The following MAST4 variants were observed in gnomAD, a reference collection of about 807,000 sequenced individuals.
MAST4 encodes the protein microtubule-associated serine/threonine-protein kinase 4.
In MAST4, 89 loss-of-function variants were observed where a neutral mutation model predicts 162.7. That is an observed-to-expected ratio of 0.55 (90% CI 0.46 to 0.65). MAST4 has a LOEUF of 0.65. Ranked by LOEUF, MAST4 falls within the 30% of genes least tolerant of loss-of-function variation. The probability of loss-of-function intolerance (pLI) is 0.00; values close to 1 mark genes in which losing one functional copy is unlikely to be tolerated. For synonymous variants in MAST4, 1,479 were observed against 1,361.1 expected (o/e 1.09, Z -1.91); for missense variants, 3,153 against 3,374.0 (o/e 0.93, Z 1.62).
intron 3 of MAST4, among the ~76,000 whole-genome samples, chr5:66,885,110 A>T (rs571639775): frequency 9.9e-5 from 15 of 152,262 alleles, no homozygotes; most frequent in South Asian, 2.1e-4. Flanking sequence ...GTGATTTTTG[A>T]CAGTAGCTGG....
chr5:67,062,418 G>C (rs1301263155), intron 5 of MAST4, among the ~76,000 whole-genome samples: 4 of 152,104 alleles, frequency 2.6e-5, no homozygotes, highest in Admixed American at 2.0e-4. Context: ...TGTGAGGCTG[G>C]AGACATGGCC....
chr5:66,769,615 A>G (rs1349149630), intron 2 of MAST4, among the ~76,000 whole-genome samples: 1 of 152,196 alleles, frequency 6.6e-6, no homozygotes, highest in Non-Finnish European at 1.5e-5. Context: ...CTGTAACACA[A>G]TGTATAACAA....
chr5:67,165,002 G>A lies in MAST4; in HGVS notation c.5823G>A (p.Leu1941=). The change falls in exon 29 of 29, where the codon CTG becomes CTA. Residue 1941 remains leucine, a synonymous_variant. Coordinates refer to ENST00000403625, the MANE Select transcript of MAST4 (RefSeq NM_001164664.2). ...HTTDPKLLTC[L]GQNLHSPDLA... Reference sequence around the variant, plus strand: ...CTGACCCCAAGCTTCTGACCTGCCTGGGGCAGAACCTCCACAGCCCTGACC... The same window carrying A: ...CTGACCCCAAGCTTCTGACCTGCCTAGGGCAGAACCTCCACAGCCCTGACC... 5 of 1,613,638 alleles carry A rather than the reference G, an allele frequency of 3.1e-6. No homozygotes were observed. The highest frequency in any genetic ancestry group is 4.2e-6 in the Non-Finnish European group (5 of 1,179,752).
intron 4 of MAST4, among the ~76,000 whole-genome samples, chr5:66,956,154 T>A (rs1418861343): frequency 1.3e-5 from 2 of 151,968 alleles, no homozygotes; most frequent in African/African-American, 2.4e-5. Context: ...CTTTCCATCT[T>A]CCCCCTCCCC....
At chr5:66,612,730 T>C (rs1743374350) in intron 1 of MAST4, among the ~76,000 whole-genome samples, 1 of 152,112 alleles carries the variant, frequency 6.6e-6, no homozygotes. Context: ...TCCTGATGGA[T>C]TTTCCATGGT....
chr5:66,920,715 T>A (rs1764478806), intron 4 of MAST4, among the ~76,000 whole-genome samples: 1 of 152,088 alleles, frequency 6.6e-6, no homozygotes, highest in Non-Finnish European at 1.5e-5. Context: ...GGCCTCGAAC[T>A]CCCTACCTCA....
intron 4 of MAST4, among the ~76,000 whole-genome samples, chr5:67,042,505 A>G (rs1581311696): frequency 1.3e-5 from 2 of 152,140 alleles, no homozygotes; most frequent in Non-Finnish European, 2.9e-5. Context: ...ATTAAGGGAA[A>G]ACATTCCTTT....
At chr5:67,120,111 AG>A (rs934516395) in intron 13 of MAST4, among the ~76,000 whole-genome samples, 11 of 152,236 alleles carry the variant, frequency 7.2e-5, no homozygotes, top group Non-Finnish European at 1.2e-4. Context: ...AGGGGAGCAG[AG>A]GAAACAGATG....
intron 3 of MAST4, among the ~76,000 whole-genome samples, chr5:66,827,285 A>G (rs1186842661): frequency 6.6e-6 from 1 of 152,202 alleles, no homozygotes; most frequent in Non-Finnish European, 1.5e-5. Context: ...CTCCACATAT[A>G]AGCGAGAGCT....
chr5:67,017,605 CT>C (rs34059850), intron 4 of MAST4, among the ~76,000 whole-genome samples: 138 of 134,988 alleles, frequency 1.0e-3, no homozygotes, highest in Middle Eastern at 3.9e-3. Context: ...TTTTTCTTTT[CT>C]TTTTTTTTTT....
chr5:67,091,850 G>A (rs968790971), intron 6 of MAST4, among the ~76,000 whole-genome samples: 4 of 152,080 alleles, frequency 2.6e-5, no homozygotes, highest in East Asian at 1.9e-4. Flanking sequence ...ACCATAAACC[G>A]TGACAGGAGA....
chr5:66,737,493 A>G (rs1301975343), intron 1 of MAST4, among the ~76,000 whole-genome samples: 3 of 152,192 alleles, frequency 2.0e-5, no homozygotes, highest in African/African-American at 4.8e-5. Context: ...CCTCTTGAAA[A>G]GAGGAGTACC....
chr5:66,807,168 G>C (rs1488034730), intron 3 of MAST4, among the ~76,000 whole-genome samples: 1 of 152,198 alleles, frequency 6.6e-6, no homozygotes, highest in Non-Finnish European at 1.5e-5. Flanking sequence ...TATCCTTCAT[G>C]TTAAAAATCC....
At chr5:66,804,874 ATTAT>A (rs746256741) in intron 3 of MAST4, among the ~76,000 whole-genome samples, 1 of 152,114 alleles carries the variant, frequency 6.6e-6, no homozygotes. Flanking sequence ...TGGAAATTTG[ATTAT>A]TTAAGTTTGA....
chr5:66,743,600 C>T (rs1179848005), intron 1 of MAST4, among the ~76,000 whole-genome samples: 4 of 152,132 alleles, frequency 2.6e-5, no homozygotes, highest in South Asian at 2.1e-4. Context: ...CAGTGCAGGA[C>T]GCTGGGCACA....
rs1753979694 is a variant in MAST4, at chr5:67,021,490, A to G, written c.675-32914A>G. On this transcript the variant is annotated intron_variant, in intron 4 of 28. Coordinates refer to ENST00000403625, the MANE Select transcript of MAST4 (RefSeq NM_001164664.2). ...AATCATTACAAATTGCAAATACCATATTTAGCAAGGGACCTTCTGAAATCT... is the reference window on the plus strand; with the variant it reads ...AATCATTACAAATTGCAAATACCATGTTTAGCAAGGGACCTTCTGAAATCT... Among the ~76,000 whole-genome samples, 4 of 152,248 alleles carry G rather than the reference A, an allele frequency of 2.6e-5. No homozygotes were observed. In the South Asian group the frequency reaches 6.2e-4, roughly 24 times the overall value.
At chr5:66,620,697 T>C (rs1744020147) in intron 1 of MAST4, among the ~76,000 whole-genome samples, 2 of 152,216 alleles carry the variant, frequency 1.3e-5, no homozygotes, top group African/African-American at 2.4e-5. Context: ...TCCTTGTTTT[T>C]ACATCTTTTT....
chr5:66,599,219 G>T (rs1013740995), intron 1 of MAST4, among the ~76,000 whole-genome samples: 1 of 152,242 alleles, frequency 6.6e-6, no homozygotes, highest in East Asian at 1.9e-4. Flanking sequence ...GCATTTTCTG[G>T]TTCTTACACT....
chr5:66,931,019 C>G (rs1742138741), intron 4 of MAST4: 1 of 186,930 alleles, frequency 5.3e-6, no homozygotes, highest in Admixed American at 5.9e-5. Context: ...AGCCCACCCT[C>G]AGAGATGAAG....
Sources: allele counts gnomAD v4.1 joint callset (sites outside exome capture counted in the v4.1 genomes callset), GRCh38; gene constraint gnomAD v4.1.1; transcripts MANE v1.5; gene names NCBI Gene and HGNC (gene_info 2026-07-23, HGNC 2026-07-21).